Variants in KIAA0040 observed in about 807,000 individuals in gnomAD.
KIAA0040 encodes the protein KIAA0040.
Under a neutral mutation model 7.2 loss-of-function variants are expected in KIAA0040, and 10 were observed. The observed-to-expected ratio is 1.38, with a 90% confidence interval of 0.85 to 2.34. The LOEUF is 2.34. KIAA0040 is among the 30% of genes most tolerant of loss of function. The pLI is 0.00. For synonymous variants in KIAA0040, 49 were observed against 40.1 expected (o/e 1.22, Z -0.84); for missense variants, 89 against 108.2 (o/e 0.82, Z 0.79).
intron 2 of KIAA0040, among the ~76,000 whole-genome samples, chr1:175,172,106 T>C (rs1677015739): frequency 6.6e-6 from 1 of 152,230 alleles, no homozygotes. Flanking sequence ...CTTTCCTTCC[T>C]TTTCTCTCTT....
chr1:175,161,848 CT>C (rs1346911885), intron 3 of KIAA0040, among the ~76,000 whole-genome samples: 3 of 152,228 alleles, frequency 2.0e-5, no homozygotes, highest in African/African-American at 7.2e-5. Flanking sequence ...TGGCTTTCCA[CT>C]TTCTACCTTC....
At chr1:175,185,388 C>A (rs1438128356) in intron 1 of KIAA0040, among the ~76,000 whole-genome samples, 1 of 152,182 alleles carries the variant, frequency 6.6e-6, no homozygotes, top group East Asian at 1.9e-4. Flanking sequence ...TTGCTTCCTA[C>A]TCAGTTATAC....
chr1:175,161,940 C>A (rs1676559838), intron 3 of KIAA0040, among the ~76,000 whole-genome samples: 1 of 152,190 alleles, frequency 6.6e-6, no homozygotes, highest in Non-Finnish European at 1.5e-5. Context: ...TCTCTTTCTT[C>A]TCTATGGGAG....
intron 3 of KIAA0040, among the ~76,000 whole-genome samples, chr1:175,165,196 G>A (rs1234045935): frequency 1.3e-5 from 2 of 152,124 alleles, no homozygotes; most frequent in African/African-American, 4.8e-5. Context: ...CCATGTATGA[G>A]GTGACGATGG....
chr1:175,159,505 G>A lies in KIAA0040; in HGVS notation c.*1209C>T, dbSNP rs1300341118. 2.0e-5 allele frequency: 3 copies of A among 152,252 alleles called. No homozygotes were observed. The highest frequency in any genetic ancestry group is 2.0e-4 in the Admixed American group (3 of 15,266). 9.4% of individuals were successfully genotyped at this position (152,252 alleles called of 1,614,324 possible). Reference sequence around the variant, plus strand: ...TACTGTGTGCAAGGCACTTGCCTGAGCTTCAATATAAATATAAATAAACCT... The same window carrying A: ...TACTGTGTGCAAGGCACTTGCCTGAACTTCAATATAAATATAAATAAACCT... On this transcript the variant is annotated 3_prime_UTR_variant, in exon 4 of 4. Coordinates refer to ENST00000423313, the MANE Select transcript of KIAA0040 (RefSeq NM_014656.3).
At chr1:175,189,737 C>A (rs1285703130) in intron 1 of KIAA0040, among the ~76,000 whole-genome samples, 1 of 152,222 alleles carries the variant, frequency 6.6e-6, no homozygotes, top group Non-Finnish European at 1.5e-5. Flanking sequence ...TAGAGTCTTA[C>A]AATTTATGTA....
intron 2 of KIAA0040, among the ~76,000 whole-genome samples, chr1:175,174,619 A>G (rs1173598910): frequency 6.6e-6 from 1 of 152,202 alleles, no homozygotes; most frequent in Admixed American, 6.5e-5. Context: ...TTAGGGGATT[A>G]TATTAAAAGG....
intron 1 of KIAA0040, among the ~76,000 whole-genome samples, chr1:175,178,896 G>A (rs1368585207): frequency 6.8e-6 from 1 of 148,000 alleles, no homozygotes; most frequent in African/African-American, 2.5e-5. Context: ...AAACCAGAAA[G>A]TGACAAAATG....
intron 1 of KIAA0040, among the ~76,000 whole-genome samples, chr1:175,186,968 A>G (rs1175102971): frequency 2.6e-5 from 4 of 152,144 alleles, no homozygotes; most frequent in Admixed American, 6.5e-5. Flanking sequence ...GGCAACTGCT[A>G]CTCAGCAGAT....
At chr1:175,162,943 T>C (rs2285218) in intron 3 of KIAA0040, among the ~76,000 whole-genome samples, 14,569 of 152,324 alleles carry the variant, frequency 0.096, 911 homozygotes, top group East Asian at 0.23. Context: ...AGTAATTATA[T>C]ACCAGGCACT....
chr1:175,188,600 C>G (rs1441232825), intron 1 of KIAA0040, among the ~76,000 whole-genome samples: 1 of 152,176 alleles, frequency 6.6e-6, no homozygotes, highest in Admixed American at 6.5e-5. Flanking sequence ...ATTCTTATCT[C>G]TGAGGTGAAA....
intron 1 of KIAA0040, among the ~76,000 whole-genome samples, chr1:175,184,467 C>T (rs1226042872): frequency 6.6e-6 from 1 of 152,200 alleles, no homozygotes; most frequent in African/African-American, 2.4e-5. Context: ...AGAGGACAGC[C>T]AAAGCCATTG....
chr1:175,179,355 C>T (rs1677346040), intron 1 of KIAA0040, among the ~76,000 whole-genome samples: 1 of 152,138 alleles, frequency 6.6e-6, no homozygotes, highest in Non-Finnish European at 1.5e-5. Flanking sequence ...GGAAAGTACA[C>T]CCTACCAGAG....
At chr1:175,191,840 C>T (rs767183634) in intron 1 of KIAA0040, among the ~76,000 whole-genome samples, 136 of 152,188 alleles carry the variant, frequency 8.9e-4, no homozygotes, top group Non-Finnish European at 1.8e-3. Flanking sequence ...ATAACGCAAT[C>T]GGTGGCACAA....
chr1:175,162,328 G>A (rs2101875626), intron 3 of KIAA0040, among the ~76,000 whole-genome samples: 1 of 152,146 alleles, frequency 6.6e-6, no homozygotes, highest in East Asian at 1.9e-4. Flanking sequence ...TCTCACTTAA[G>A]GATAAAGAAT....
At chr1:175,183,427 G>A (rs750268381) in intron 1 of KIAA0040, among the ~76,000 whole-genome samples, 7 of 152,200 alleles carry the variant, frequency 4.6e-5, no homozygotes, top group Admixed American at 2.0e-4. Context: ...TTCACTTCTG[G>A]CACCCCAAGC....
At position 175,157,098 on chromosome 1, in the gene KIAA0040, C is replaced by T. The variant is rs1434388576; in HGVS notation, c.*3616G>A. 6.6e-6 allele frequency: 1 copy of T among 152,184 alleles called. No homozygotes were observed. Among genetic ancestry groups the T allele is most frequent in the Non-Finnish European group, 1.5e-5 (1 of 68,058 alleles). The allele number at this position is 152,184 out of a possible 1,614,324, so 9.4% of individuals were successfully genotyped here. A position where few individuals can be genotyped will look rare whatever the true frequency, so the allele number is the denominator to read the frequency against. On this transcript the variant is annotated 3_prime_UTR_variant, in exon 4 of 4. Transcript: ENST00000423313. ...CAGTGTACACACACTTACACACACA[C>T]ATACACACAGTTTTTGCCCTAGTGG...
chr1:175,191,409 C>T (rs1231117766), intron 1 of KIAA0040, among the ~76,000 whole-genome samples: 1 of 152,156 alleles, frequency 6.6e-6, no homozygotes, highest in African/African-American at 2.4e-5. Flanking sequence ...GCATCTCTTT[C>T]CTAAAATTGT....
At chr1:175,179,406 C>T (rs1266933185) in intron 1 of KIAA0040, among the ~76,000 whole-genome samples, 1 of 152,184 alleles carries the variant, frequency 6.6e-6, no homozygotes, top group East Asian at 1.9e-4. Flanking sequence ...CATGGGCTCA[C>T]TGGTAATCTG....
Sources: gnomAD v4.1 joint callset for allele counts (sites outside exome capture counted in the v4.1 genomes callset) on GRCh38, gnomAD v4.1.1 for gene constraint, MANE v1.5 for transcripts, NCBI Gene and HGNC (gene_info 2026-07-23, HGNC 2026-07-21) for gene names.